Variants in LYPD6 observed in about 807,000 individuals in gnomAD.
LYPD6 encodes ly6/PLAUR domain-containing protein 6.
Under a neutral mutation model 22.7 loss-of-function variants are expected in LYPD6, and 15 were observed. The observed-to-expected ratio is 0.66, with a 90% confidence interval of 0.44 to 1.02. The LOEUF is 1.02. LYPD6 is among the 50% of genes least tolerant of loss of function. The pLI, the probability that LYPD6 is intolerant of heterozygous loss-of-function variation, is 0.00. For missense variants in LYPD6, 189 were observed against 208.4 expected (o/e 0.91, Z 0.57); for synonymous variants, 72 against 77.5 (o/e 0.93, Z 0.37).
intron 1 of LYPD6, among the ~76,000 whole-genome samples, chr2:149,435,451 T>A (rs1558806883): frequency 6.6e-6 from 1 of 152,194 alleles, no homozygotes; most frequent in Non-Finnish European, 1.5e-5. Context: ...TGGGAGGAGA[T>A]GGGGGTATTG....
At chr2:149,366,417 C>T (rs762797566) in intron 1 of LYPD6, among the ~76,000 whole-genome samples, 1 of 152,178 alleles carries the variant, frequency 6.6e-6, no homozygotes, top group Non-Finnish European at 1.5e-5. Flanking sequence ...ATCCCTGACC[C>T]CTTGGCAGAG....
chr2:149,352,963 A>G (rs528770986), intron 1 of LYPD6, among the ~76,000 whole-genome samples: 2 of 152,366 alleles, frequency 1.3e-5, no homozygotes. Flanking sequence ...AGGCCTGTCC[A>G]CATGGAACAC....
intron 1 of LYPD6, among the ~76,000 whole-genome samples, chr2:149,411,043 G>T (rs1237151575): frequency 2.0e-5 from 3 of 152,226 alleles, no homozygotes; most frequent in African/African-American, 7.2e-5. Context: ...GATTAGTACA[G>T]TGGAATGGTT....
intron 1 of LYPD6, among the ~76,000 whole-genome samples, chr2:149,369,346 G>A (rs1035241985): frequency 2.0e-5 from 3 of 152,154 alleles, no homozygotes; most frequent in Admixed American, 2.0e-4. Flanking sequence ...TCATATTGCA[G>A]CAAGGCTGTT....
At chr2:149,463,259 A>G (rs1681126039) in intron 3 of LYPD6, among the ~76,000 whole-genome samples, 1 of 152,184 alleles carries the variant, frequency 6.6e-6, no homozygotes, top group South Asian at 2.1e-4. Context: ...GAAGATAACC[A>G]GATGGCAAAT....
intron 1 of LYPD6, among the ~76,000 whole-genome samples, chr2:149,429,238 C>T (rs1397267798): frequency 6.6e-6 from 1 of 152,184 alleles, no homozygotes; most frequent in Non-Finnish European, 1.5e-5. Context: ...GACCTCCCTC[C>T]TTTCTTAGAG....
intron 2 of LYPD6, among the ~76,000 whole-genome samples, chr2:149,440,859 CCTGA>C (rs962698448): frequency 3.6e-5 from 5 of 140,380 alleles, no homozygotes; most frequent in African/African-American, 9.0e-5. Flanking sequence ...CACCACCAGG[CCTGA>C]CTAATTTTTT....
chr2:149,344,446 TAGA>T (rs1278266994), intron 1 of LYPD6, among the ~76,000 whole-genome samples: 1 of 152,150 alleles, frequency 6.6e-6, no homozygotes, highest in Admixed American at 6.5e-5. Context: ...TTTATACTAA[TAGA>T]GGGGATAATA....
chr2:149,427,282 A>C (rs762858092), intron 1 of LYPD6, among the ~76,000 whole-genome samples: 1 of 152,200 alleles, frequency 6.6e-6, no homozygotes, highest in Admixed American at 6.5e-5. Flanking sequence ...CATTTTTGGA[A>C]TATCTCTAGG....
downstream of LYPD6, among the ~76,000 whole-genome samples, chr2:149,475,570 C>G (rs1327509866): frequency 6.6e-6 from 1 of 152,212 alleles, no homozygotes; most frequent in Non-Finnish European, 1.5e-5. Flanking sequence ...TGGCCTTTCT[C>G]ATTAGCAATT....
chr2:149,382,240 G>T (rs1253614133), intron 1 of LYPD6, among the ~76,000 whole-genome samples: 2 of 152,106 alleles, frequency 1.3e-5, no homozygotes, highest in African/African-American at 4.8e-5. Context: ...TAAGTGCAAA[G>T]TATTATCATA....
intron 1 of LYPD6, among the ~76,000 whole-genome samples, chr2:149,366,492 C>G (rs1397078327): frequency 6.6e-6 from 1 of 152,002 alleles, no homozygotes; most frequent in Non-Finnish European, 1.5e-5. Context: ...ACAAGAGAAC[C>G]AGAGCTAGGT....
intron 2 of LYPD6, among the ~76,000 whole-genome samples, chr2:149,438,255 T>A (rs1281995080): frequency 6.6e-6 from 1 of 152,244 alleles, no homozygotes; most frequent in Non-Finnish European, 1.5e-5. Flanking sequence ...TCCAATGTCC[T>A]GTGCCTCCTT....
intron 3 of LYPD6, among the ~76,000 whole-genome samples, chr2:149,450,331 T>C (rs1005688097): frequency 6.6e-6 from 1 of 151,898 alleles, no homozygotes; most frequent in Non-Finnish European, 1.5e-5. Flanking sequence ...TGTCAGGTGA[T>C]GAGTTAAGAA....
At chr2:149,403,381 T>C (rs1230429126) in intron 1 of LYPD6, among the ~76,000 whole-genome samples, 26 of 149,536 alleles carry the variant, frequency 1.7e-4, no homozygotes, top group South Asian at 4.3e-4. Flanking sequence ...TCCACATCCT[T>C]TCCAGCACCT....
rs1290825934 is a variant in LYPD6, at chr2:149,346,114, C to T, written c.-72+15392C>T. Among the ~76,000 whole-genome samples, 10 of 152,142 alleles carry T rather than the reference C, an allele frequency of 6.6e-5. No individual in the cohort carries two copies. The South Asian group carries it at 2.1e-3, about 31-fold the overall frequency. ...ATGAATAAATTGTTAATGATAAGTGCTTATTATAATTGTCACCACTTTTAT... is the reference window on the plus strand; with the variant it reads ...ATGAATAAATTGTTAATGATAAGTGTTTATTATAATTGTCACCACTTTTAT... On this transcript the variant is annotated intron_variant, in intron 1 of 4. Transcript: ENST00000334166.
chr2:149,334,865 A>G (rs1681005212), intron 1 of LYPD6, among the ~76,000 whole-genome samples: 1 of 151,914 alleles, frequency 6.6e-6, no homozygotes, highest in Non-Finnish European at 1.5e-5. Context: ...CACTGCTTAT[A>G]TGATGGTGGT....
chr2:149,381,808 A>G (rs1017765275), intron 1 of LYPD6, among the ~76,000 whole-genome samples: 21 of 152,206 alleles, frequency 1.4e-4, no homozygotes, highest in African/African-American at 4.8e-4. Context: ...CTAAAATCAC[A>G]CAGCTTGAAG....
intron 1 of LYPD6, among the ~76,000 whole-genome samples, chr2:149,364,984 A>G (rs950210404): frequency 2.0e-5 from 3 of 152,158 alleles, no homozygotes; most frequent in Non-Finnish European, 4.4e-5. Flanking sequence ...TTCTCTCACT[A>G]TCTCTTAGTG....
Sources: gnomAD v4.1 joint callset for allele counts (sites outside exome capture counted in the v4.1 genomes callset) on GRCh38, gnomAD v4.1.1 for gene constraint, MANE v1.5 for transcripts, NCBI Gene and HGNC (gene_info 2026-07-23, HGNC 2026-07-21) for gene names.